The following YWHAQ variants were observed in gnomAD, a reference collection of about 807,000 sequenced individuals.
YWHAQ encodes the protein 14-3-3 protein theta.
In YWHAQ, 6 loss-of-function variants were observed where a neutral mutation model predicts 28.3. The ratio of observed to expected loss-of-function variants is 0.21; its 90% CI spans 0.12 to 0.42. The LOEUF (loss-of-function observed/expected upper bound fraction) is 0.42. Ranked by LOEUF, YWHAQ falls within the 10% of genes least tolerant of loss-of-function variation. The probability of loss-of-function intolerance (pLI) is 1.00; values close to 1 mark genes in which losing one functional copy is unlikely to be tolerated. For missense variants in YWHAQ, 201 were observed against 305.6 expected, an observed-to-expected ratio of 0.66 and a Z score of 2.55; for synonymous variants, 143 against 119.1, an observed-to-expected ratio of 1.20 and a Z score of -1.31.
intron 2 of YWHAQ, among the ~76,000 whole-genome samples, chr2:9,607,458 C>G (rs1220239294): frequency 6.7e-6 from 1 of 150,294 alleles, no homozygotes; most frequent in East Asian, 2.0e-4. Flanking sequence ...CCACCCCCCT[C>G]GGCTTCCCAA....
chr2:9,603,721 C>T lies in YWHAQ; in HGVS notation c.295-12206G>A, dbSNP rs536459102. On this transcript the variant is annotated intron_variant, in intron 2 of 5. Coordinates refer to ENST00000238081, the MANE Select transcript of YWHAQ (RefSeq NM_006826.4). Reference sequence around the variant, plus strand: ...GATGGATCATTCGCGGTCAGGAGTTCGAGAGCAGCCTGGCTAGCATGGTGA... The same window carrying T: ...GATGGATCATTCGCGGTCAGGAGTTTGAGAGCAGCCTGGCTAGCATGGTGA... 9.9e-5 allele frequency among the ~76,000 whole-genome samples: 15 copies of T among 151,772 alleles called. 1 individual carries two copies. In the South Asian group the frequency reaches 1.7e-3, roughly 17 times the overall value.
intron 2 of YWHAQ, among the ~76,000 whole-genome samples, chr2:9,629,187 A>G (rs1448303384): frequency 6.6e-6 from 1 of 152,206 alleles, no homozygotes; most frequent in Non-Finnish European, 1.5e-5. Context: ...CACATCAAAA[A>G]TAAGTAGGCC....
intron 2 of YWHAQ, among the ~76,000 whole-genome samples, chr2:9,599,970 A>T (rs1000301272): frequency 2.6e-5 from 4 of 152,348 alleles, no homozygotes; most frequent in East Asian, 3.9e-4. Context: ...GCCATTAAGA[A>T]GATTTGTGAT....
intron 2 of YWHAQ, among the ~76,000 whole-genome samples, chr2:9,598,155 C>T (rs1040202937): frequency 4.6e-5 from 7 of 152,126 alleles, no homozygotes; most frequent in Admixed American, 2.6e-4. Context: ...ATAACCAATG[C>T]GACTGATCCT....
rs1553372960 is a variant in YWHAQ, at chr2:9,597,648, A to AG, written c.295-6134_295-6133insC. ...AAACTCCGTCTCAAAAAAAAAAAAAAAAAAAGAAAAAGAAAAAAAAATTGT... is the reference window on the plus strand; with the variant it reads ...AAACTCCGTCTCAAAAAAAAAAAAAAGAAAAAGAAAAAGAAAAAAAAATTGT... On this transcript the variant is annotated intron_variant, in intron 2 of 5. Coordinates refer to ENST00000238081, the MANE Select transcript of YWHAQ (RefSeq NM_006826.4). Among the ~76,000 whole-genome samples the AG allele has an allele frequency of 5.8e-3, 871 of 150,938 alleles. 8 individuals are homozygous for AG. The highest frequency in any genetic ancestry group is 0.02 in the African/African-American group (817 of 40,800).
chr2:9,585,295 A>AGCCCCTTCT lies in YWHAQ; in HGVS notation c.720_728dup (p.Glu241_Ala243dup). The stretch of plus-strand genomic sequence containing the variant: ...GACACCCTGTATGGATTTAGTTTTC[A>AGCCCCTTCT]GCCCCTTCTGCCGCATCACATTCTT... On this transcript the variant is annotated inframe_insertion, in exon 6 of 6. Transcript: ENST00000238081. 6.2e-7 allele frequency: 1 copy of AGCCCCTTCT among 1,614,154 alleles called. No individual in the cohort carries two copies. Among genetic ancestry groups the AGCCCCTTCT allele is most frequent in the South Asian group, 1.1e-5 (1 of 91,090 alleles).
rs1239824315 is a variant in YWHAQ, at chr2:9,584,980, CT to C, written c.*305del. 1 of 293,254 alleles carries C rather than the reference CT, an allele frequency of 3.4e-6. No homozygotes were observed. The allele number at this position is 293,254 out of a possible 1,614,324, so 18.2% of individuals were successfully genotyped here. On this transcript the variant is annotated 3_prime_UTR_variant, in exon 6 of 6. Coordinates refer to ENST00000238081, the MANE Select transcript of YWHAQ (RefSeq NM_006826.4). ...ATACAAAACACAGTCACTTGCAGAA[CT>C]GGTTCAGATTACTTAAATACCAGAT...
In YWHAQ at chr2:9,630,738, G is replaced by A. The variant is rs1276994367; in HGVS notation, c.-83+203C>T. 1 of 156,970 alleles carries A rather than the reference G, an allele frequency of 6.4e-6. No homozygotes were observed. Among genetic ancestry groups the A allele is most frequent in the Non-Finnish European group, 1.4e-5 (1 of 72,046 alleles). 9.7% of individuals were successfully genotyped at this position (156,970 alleles called of 1,614,324 possible). Reference sequence around the variant, plus strand: ...GGGCGGCGCGGAGGCCCCGCGCGCAGGGAGCCCGAGCCGCGGCCGCTCCCG... The same window carrying A: ...GGGCGGCGCGGAGGCCCCGCGCGCAAGGAGCCCGAGCCGCGGCCGCTCCCG... On this transcript the variant is annotated intron_variant, in intron 1 of 5. Coordinates refer to ENST00000238081, the MANE Select transcript of YWHAQ (RefSeq NM_006826.4). The surrounding 1 kb of genome is among the most constrained non-coding windows in gnomAD (Gnocchi z 5.6).
chr2:9,606,139 T>G (rs1399330101), intron 2 of YWHAQ, among the ~76,000 whole-genome samples: 1 of 152,216 alleles, frequency 6.6e-6, no homozygotes, highest in Non-Finnish European at 1.5e-5. Flanking sequence ...ATGCACCAAA[T>G]GTACACTTGA....
At chr2:9,629,836 G>C (rs1013975402) in intron 2 of YWHAQ, among the ~76,000 whole-genome samples, 1 of 152,222 alleles carries the variant, frequency 6.6e-6, no homozygotes, top group Non-Finnish European at 1.5e-5. Flanking sequence ...AGGGCTCACA[G>C]ATCTCAGGAC....
At chr2:9,597,433 G>C (rs1666594844) in intron 2 of YWHAQ, among the ~76,000 whole-genome samples, 1 of 152,208 alleles carries the variant, frequency 6.6e-6, no homozygotes, top group African/African-American at 2.4e-5. Context: ...GGATCACGAG[G>C]TCAGGAGTTC....
chr2:9,623,678 C>T (rs1303858346), intron 2 of YWHAQ, among the ~76,000 whole-genome samples: 2 of 152,196 alleles, frequency 1.3e-5, no homozygotes, highest in African/African-American at 4.8e-5. Context: ...GAGGCTGACA[C>T]AGGAGAATTG....
At chr2:9,591,803 A>G (rs1044406124) in intron 2 of YWHAQ, among the ~76,000 whole-genome samples, 1 of 152,248 alleles carries the variant, frequency 6.6e-6, no homozygotes, top group Non-Finnish European at 1.5e-5. Flanking sequence ...TCACTCATCC[A>G]TTCATTCAAC....
Position 9,630,347 on chromosome 2 carries a change from G to A in YWHAQ, c.106C>T (p.Leu36=). ...MKAVTEQGAE[L]SNEERNLLSV... ...AGCAGGTTGCGCTCCTCGTTGGACA[G>A]CTCGGCGCCCTGCTCGGTCACTGCC... Residue 36 remains leucine, a synonymous_variant, in exon 2 of 6, where the codon CTG becomes TTG. Transcript: ENST00000238081. This position sits in a 1 kb window ranked among gnomAD's most constrained non-coding sequence, Gnocchi z 5.6. The A allele has an allele frequency of 2.5e-6, 4 of 1,614,146 alleles. No homozygotes were observed. Among genetic ancestry groups the A allele is most frequent in the Non-Finnish European group, 3.4e-6 (4 of 1,180,038 alleles).
chr2:9,603,620 T>C (rs1012461242), intron 2 of YWHAQ, among the ~76,000 whole-genome samples: 2 of 151,718 alleles, frequency 1.3e-5, no homozygotes, highest in Admixed American at 1.3e-4. Context: ...TAATTCTGTA[T>C]GTTATTAAAA....
chr2:9,626,079 GAC>G (rs1667242665), intron 2 of YWHAQ, among the ~76,000 whole-genome samples: 1 of 152,132 alleles, frequency 6.6e-6, no homozygotes, highest in Non-Finnish European at 1.5e-5. Context: ...TTTACACTAA[GAC>G]AGACAACTTC....
At chr2:9,602,435 T>C (rs906534233) in intron 2 of YWHAQ, among the ~76,000 whole-genome samples, 7 of 151,924 alleles carry the variant, frequency 4.6e-5, no homozygotes, top group Non-Finnish European at 7.4e-5. Flanking sequence ...TAAATAAAAA[T>C]AAGTCCTTTA....
In YWHAQ at chr2:9,592,681, T is replaced by C. The variant is rs557212544; in HGVS notation, c.295-1166A>G. Among the ~76,000 whole-genome samples the C allele has an allele frequency of 2.0e-4, 31 of 152,262 alleles. 1 individual carries two copies. Among genetic ancestry groups the C allele is most frequent in the Admixed American group, 4.6e-4 (7 of 15,294 alleles). On this transcript the variant is annotated intron_variant, in intron 2 of 5. Transcript: ENST00000238081. Reference sequence around the variant, plus strand: ...TGGAGGTTGCAGTGAGCCGAGATCATGCTACTGCACTGCAGCCCGGGTGAC... The same window carrying C: ...TGGAGGTTGCAGTGAGCCGAGATCACGCTACTGCACTGCAGCCCGGGTGAC...
chr2:9,604,761 C>T (rs1666784154), intron 2 of YWHAQ, among the ~76,000 whole-genome samples: 1 of 151,992 alleles, frequency 6.6e-6, no homozygotes, highest in Non-Finnish European at 1.5e-5. Context: ...ACCAATTCCC[C>T]TCAGATACAG....
Sources: allele counts gnomAD v4.1 joint callset (sites outside exome capture counted in the v4.1 genomes callset), GRCh38; gene constraint gnomAD v4.1.1; non-coding constraint Gnocchi (gnomAD v3.1); transcripts MANE v1.5; gene names NCBI Gene and HGNC (gene_info 2026-07-23, HGNC 2026-07-21).